Variants in GRM8 observed in about 807,000 individuals in gnomAD.
The protein encoded by GRM8 is glutamate metabotropic receptor 8, also known as metabotropic glutamate receptor 8.
Under a neutral mutation model 87.2 loss-of-function variants are expected in GRM8, and 47 were observed. That is an observed-to-expected ratio of 0.54 (90% confidence interval 0.43 to 0.69). GRM8 has a LOEUF of 0.69. Among genes scored for constraint, GRM8 ranks in the 30% least tolerant of loss-of-function variants. The probability of loss-of-function intolerance (pLI) is 0.00; values close to 1 mark genes in which losing one functional copy is unlikely to be tolerated. For synonymous variants in GRM8, 396 were observed against 404.5 expected (o/e 0.98, Z 0.25); for missense variants, 1,019 against 1,139.2 (o/e 0.89, Z 1.52).
chr7:126,498,201 T>C (rs1202460360), intron 9 of GRM8, among the ~76,000 whole-genome samples: 3 of 151,928 alleles, frequency 2.0e-5, no homozygotes, highest in African/African-American at 4.8e-5. Context: ...GCTTTGCATA[T>C]TGAAGCTGCA....
At chr7:126,838,966 A>G (rs898576255) in intron 6 of GRM8, among the ~76,000 whole-genome samples, 12 of 152,210 alleles carry the variant, frequency 7.9e-5, no homozygotes, top group Non-Finnish European at 1.2e-4. Flanking sequence ...GCTTCTGAAG[A>G]ACGGCATTTG....
At chr7:126,828,914 T>C (rs543738312) in intron 6 of GRM8, among the ~76,000 whole-genome samples, 1 of 152,200 alleles carries the variant, frequency 6.6e-6, no homozygotes, top group Non-Finnish European at 1.5e-5. Flanking sequence ...TTTGTTCTCG[T>C]TGGTTTCAAA....
intron 3 of GRM8, among the ~76,000 whole-genome samples, chr7:126,992,325 T>C (rs1314522493): frequency 6.6e-6 from 1 of 152,194 alleles, no homozygotes; most frequent in Non-Finnish European, 1.5e-5. Flanking sequence ...AATAAAACTG[T>C]CTTTATTCAG....
At chr7:126,494,182 A>C (rs1183425896) in intron 9 of GRM8, among the ~76,000 whole-genome samples, 1 of 152,060 alleles carries the variant, frequency 6.6e-6, no homozygotes, top group African/African-American at 2.4e-5. Flanking sequence ...ATTGGTTTAG[A>C]GTCTGTAGGG....
intron 3 of GRM8, among the ~76,000 whole-genome samples, chr7:127,102,456 G>A (rs1223749413): frequency 6.6e-6 from 1 of 152,184 alleles, no homozygotes; most frequent in African/African-American, 2.4e-5. Context: ...GGAGGGAAGA[G>A]TCCTTTCATG....
chr7:126,992,370 A>T (rs745702312), intron 3 of GRM8, among the ~76,000 whole-genome samples: 3 of 152,198 alleles, frequency 2.0e-5, no homozygotes, highest in Non-Finnish European at 4.4e-5. Flanking sequence ...AATCTTAAAA[A>T]TCTACAAAAA....
intron 8 of GRM8, among the ~76,000 whole-genome samples, chr7:126,550,768 C>T (rs1038449468): frequency 6.6e-6 from 1 of 151,186 alleles, no homozygotes; most frequent in African/African-American, 2.4e-5. Flanking sequence ...AGGGTAGGCA[C>T]AAATGATACA....
chr7:127,130,958 T>C (rs1432033335), intron 2 of GRM8, among the ~76,000 whole-genome samples: 1 of 152,196 alleles, frequency 6.6e-6, no homozygotes. Context: ...CTTTATAGAT[T>C]ACCCAGTCTC....
chr7:127,047,916 A>G (rs554850711), intron 3 of GRM8, among the ~76,000 whole-genome samples: 2 of 152,320 alleles, frequency 1.3e-5, no homozygotes, highest in South Asian at 2.1e-4. Flanking sequence ...ATTTTTTTCA[A>G]TATGTAGTGA....
intron 8 of GRM8, among the ~76,000 whole-genome samples, chr7:126,583,551 T>C (rs1403844124): frequency 6.6e-6 from 1 of 152,058 alleles, no homozygotes; most frequent in African/African-American, 2.4e-5. Context: ...GGTCAAAATA[T>C]AAATATTAAC....
intron 2 of GRM8, among the ~76,000 whole-genome samples, chr7:127,231,945 A>C (rs559741582): frequency 1.3e-5 from 2 of 151,890 alleles, no homozygotes; most frequent in African/African-American, 4.8e-5. Context: ...ATTTACTGCA[A>C]CTTTATTTAA....
chr7:126,642,881 G>A (rs907046780), intron 7 of GRM8, among the ~76,000 whole-genome samples: 2 of 152,034 alleles, frequency 1.3e-5, no homozygotes, highest in East Asian at 3.9e-4. Flanking sequence ...TCCATAAAAT[G>A]GGGGTGACAA....
intron 2 of GRM8, among the ~76,000 whole-genome samples, chr7:127,233,377 G>A (rs543518679): frequency 2.6e-5 from 4 of 151,886 alleles, no homozygotes; most frequent in South Asian, 2.1e-4. Flanking sequence ...TCTATAAGTC[G>A]CAAATATCTA....
chr7:127,236,890 C>G (rs1329935599), intron 2 of GRM8, among the ~76,000 whole-genome samples: 1 of 152,114 alleles, frequency 6.6e-6, no homozygotes, highest in Non-Finnish European at 1.5e-5. Flanking sequence ...TAGACATGCC[C>G]CTGCCCACAT....
At chr7:126,722,619 G>C (rs1812506034) in intron 7 of GRM8, among the ~76,000 whole-genome samples, 1 of 151,922 alleles carries the variant, frequency 6.6e-6, no homozygotes, top group Non-Finnish European at 1.5e-5. Flanking sequence ...CTTATATTTT[G>C]AGCAGCTAAT....
intron 2 of GRM8, among the ~76,000 whole-genome samples, chr7:127,198,965 C>T (rs1294852193): frequency 6.6e-6 from 1 of 151,954 alleles, no homozygotes; most frequent in Non-Finnish European, 1.5e-5. Context: ...CTCAGCCTTC[C>T]TGAGTAGCTG....
chr7:126,812,586 T>C (rs1374286788), intron 6 of GRM8, among the ~76,000 whole-genome samples: 2 of 151,996 alleles, frequency 1.3e-5, no homozygotes, highest in Non-Finnish European at 2.9e-5. Flanking sequence ...AGGATATGTG[T>C]AGATTATATG....
At chr7:126,993,411 G>C (rs1326974741) in intron 3 of GRM8, among the ~76,000 whole-genome samples, 1 of 152,122 alleles carries the variant, frequency 6.6e-6, no homozygotes, top group Non-Finnish European at 1.5e-5. Context: ...ATATTATGCT[G>C]AGGGTGGAGC....
intron 9 of GRM8, among the ~76,000 whole-genome samples, chr7:126,523,420 G>A (rs1326838813): frequency 6.6e-6 from 1 of 151,648 alleles, no homozygotes; most frequent in African/African-American, 2.4e-5. Context: ...AGTATCTATT[G>A]GCTACTCACA....
Sources: gnomAD v4.1 joint callset for allele counts (sites outside exome capture counted in the v4.1 genomes callset) on GRCh38, gnomAD v4.1.1 for gene constraint, MANE v1.5 for transcripts, NCBI Gene and HGNC (gene_info 2026-07-23, HGNC 2026-07-21) for gene names.